Variants in VAV2 observed in about 807,000 individuals in gnomAD.
VAV2 encodes the protein guanine nucleotide exchange factor VAV2.
In VAV2, 67 loss-of-function variants were observed where a neutral mutation model predicts 132.5. The ratio of observed to expected loss-of-function variants is 0.51; its 90% CI spans 0.42 to 0.62. The LOEUF (loss-of-function observed/expected upper bound fraction) is 0.62, where lower values mean the gene tolerates loss of function less well. Ranked by LOEUF, VAV2 falls within the 20% of genes least tolerant of loss-of-function variation. The pLI, the probability that VAV2 is intolerant of heterozygous loss-of-function variation, is 0.00. For synonymous variants in VAV2, 492 were observed against 443.5 expected (o/e 1.11, Z -1.37); for missense variants, 938 against 1,153.6 (o/e 0.81, Z 2.71).
chr9:133,979,866 G>A (rs748897171), intron 1 of VAV2, among the ~76,000 whole-genome samples: 16 of 152,320 alleles, frequency 1.1e-4, no homozygotes, highest in African/African-American at 3.1e-4. Context: ...GGAGCCTGCC[G>A]GCGTCACCTG....
chr9:133,779,326 G>T (rs951976051), intron 21 of VAV2, among the ~76,000 whole-genome samples: 1 of 152,218 alleles, frequency 6.6e-6, no homozygotes, highest in Non-Finnish European at 1.5e-5. Flanking sequence ...AGGGAATGTG[G>T]AGGCTGCTCT....
At chr9:133,835,506 C>T (rs992817688) in intron 3 of VAV2, among the ~76,000 whole-genome samples, 2 of 152,182 alleles carry the variant, frequency 1.3e-5, no homozygotes, top group East Asian at 3.9e-4. Context: ...ATCCACTCAT[C>T]TCTAGAGGAG....
At chr9:133,790,822 C>T (rs1030909679) in intron 13 of VAV2, among the ~76,000 whole-genome samples, 4 of 152,118 alleles carry the variant, frequency 2.6e-5, no homozygotes, top group Admixed American at 6.6e-5. Flanking sequence ...CTGCTGGCAC[C>T]GGGTGGGTGT....
rs982174100 is a variant in VAV2 at position 133,802,305 on chromosome 9, AAC to A, written c.836+3774_836+3775del. On this transcript the variant is annotated intron_variant, in intron 9 of 29. Coordinates refer to ENST00000371850, the MANE Select transcript of VAV2 (RefSeq NM_001134398.2). This position sits in a 1 kb window ranked among gnomAD's most constrained non-coding sequence, Gnocchi z 5.8. ...ACACACACACATGCATGTGCACACAAACACACAAGCACGCGTGTACACACACA... is the reference window on the plus strand; with the variant it reads ...ACACACACACATGCATGTGCACACAAACACAAGCACGCGTGTACACACACA... 1.5e-5 allele frequency among the ~76,000 whole-genome samples: 2 copies of A among 133,950 alleles called. No individual in the cohort carries two copies. Among genetic ancestry groups the A allele is most frequent in the Non-Finnish European group, 3.2e-5 (2 of 62,352 alleles). The allele number at this position is 133,950 out of a possible 152,430, so 87.9% of individuals were successfully genotyped here.
At chr9:133,950,351 G>C (rs1841515547) in intron 1 of VAV2, among the ~76,000 whole-genome samples, 1 of 152,148 alleles carries the variant, frequency 6.6e-6, no homozygotes, top group South Asian at 2.1e-4. Flanking sequence ...CCAGTCCACA[G>C]TCAGACACCG....
chr9:133,901,888 G>A lies in VAV2; in HGVS notation c.321+37215C>T, dbSNP rs181115453. Among the ~76,000 whole-genome samples, 316 of 152,310 alleles carry A rather than the reference G, an allele frequency of 2.1e-3. 1 individual carries two copies. Among genetic ancestry groups the A allele is most frequent in the African/African-American group, 7.2e-3 (299 of 41,574 alleles). On this transcript the variant is annotated intron_variant, in intron 2 of 29. Coordinates refer to ENST00000371850, the MANE Select transcript of VAV2 (RefSeq NM_001134398.2). ...GCCACCACCATCGGAGGGGGCTGGG[G>A]GTGGGGAGGACAGCTGCGCTCCAGA...
At chr9:133,783,352 G>C in intron 19 of VAV2, 151 bp downstream of exon 19, 1 of 703,078 alleles carries the variant, frequency 1.4e-6, no homozygotes, top group Non-Finnish European at 2.6e-6. Context: ...GCAGGCGTCT[G>C]GTGTCTGCTC....
chr9:133,915,074 A>G (rs2810506), intron 2 of VAV2, among the ~76,000 whole-genome samples: 136,584 of 152,136 alleles, frequency 0.9, 62,340 homozygotes, highest in East Asian at 0.98. Context: ...GCTTTGAAAC[A>G]GGCCGCTTGG....
In VAV2 at chr9:133,774,935, T is replaced by C. The variant is rs1294299323; in HGVS notation, c.2135A>G (p.Lys712Arg). The part of the protein sequence containing the change: ...AEAERFAISI[K>R]FNDEVKHIKV... ...CCTCGAGCCCAGAGCCGCCACTTAC[T>C]TGATGCTTATTGCAAAGCGCTCAGC... The change falls in exon 25 of 30, where the codon AAG becomes AGG. Residue 712 changes from lysine (K) to arginine (R), a missense_variant and splice_region_variant. Lys to Arg is a conservative substitution (Grantham distance 26). Transcript: ENST00000371850. The C allele has an allele frequency of 6.2e-7, 1 of 1,611,384 alleles. No homozygotes were observed. The highest frequency in any genetic ancestry group is 1.1e-5 in the South Asian group (1 of 90,958).
chr9:133,962,303 G>A (rs2132226636), intron 1 of VAV2, among the ~76,000 whole-genome samples: 1 of 152,258 alleles, frequency 6.6e-6, no homozygotes, highest in South Asian at 2.1e-4. Context: ...GGAGGGCCTG[G>A]ACTTGAGCTC....
intron 2 of VAV2, among the ~76,000 whole-genome samples, chr9:133,894,729 G>A (rs548794969): frequency 4.9e-4 from 75 of 152,268 alleles, no homozygotes; most frequent in African/African-American, 1.5e-3. Flanking sequence ...AGAACACAGG[G>A]CACCCCAAGA....
chr9:133,970,568 C>T (rs1434405334), intron 1 of VAV2, among the ~76,000 whole-genome samples: 1 of 152,200 alleles, frequency 6.6e-6, no homozygotes, highest in Non-Finnish European at 1.5e-5. Flanking sequence ...CTTTGACAGA[C>T]ACATGTGGGG....
rs1481584761 is a variant in VAV2, at chr9:133,765,302, C to T, written c.2590-1193G>A. Among the ~76,000 whole-genome samples, 3 of 152,210 alleles carry T rather than the reference C, an allele frequency of 2.0e-5. No homozygotes were observed. In the East Asian group the frequency reaches 5.8e-4, roughly 29 times the overall value. On this transcript the variant is annotated intron_variant, in intron 29 of 29. Transcript: ENST00000371850. Reference sequence around the variant, plus strand: ...TGCTAATTACAGTCAACAGTAACTTCACAGTAGAACATAGCAAATATAATC... The same window carrying T: ...TGCTAATTACAGTCAACAGTAACTTTACAGTAGAACATAGCAAATATAATC...
intron 2 of VAV2, among the ~76,000 whole-genome samples, chr9:133,889,421 G>A (rs991863462): frequency 2.0e-5 from 3 of 152,126 alleles, no homozygotes; most frequent in Non-Finnish European, 1.5e-5. Flanking sequence ...GGGGGAAGGC[G>A]GCCACTGGCA....
chr9:133,862,572 ATGTGCATGTGTGTACGTG>A (rs1837640520), intron 2 of VAV2, among the ~76,000 whole-genome samples: 1 of 152,208 alleles, frequency 6.6e-6, no homozygotes, highest in Non-Finnish European at 1.5e-5. Context: ...GCGCAGCTGT[ATGTGCATGTGTGTACGTG>A]TGTGTCTGGG....
intron 2 of VAV2, among the ~76,000 whole-genome samples, chr9:133,924,684 A>G (rs1401229225): frequency 6.6e-6 from 1 of 152,196 alleles, no homozygotes; most frequent in Non-Finnish European, 1.5e-5. Flanking sequence ...TCAGGGTCCA[A>G]GGGGCAATGT....
chr9:133,773,502 C>T (rs899088990), intron 25 of VAV2, among the ~76,000 whole-genome samples: 10 of 152,278 alleles, frequency 6.6e-5, no homozygotes, highest in South Asian at 2.1e-4. Flanking sequence ...TTTCTTCAAT[C>T]GTAAATTAAC....
intron 9 of VAV2, among the ~76,000 whole-genome samples, chr9:133,803,658 G>A (rs546036824): frequency 2.0e-5 from 3 of 152,276 alleles, no homozygotes; most frequent in East Asian, 1.9e-4. Context: ...TCAAAAAGAG[G>A]GAGGTGACTG....
Position 133,763,918 on chromosome 9 carries a change from C to T in VAV2, c.*144G>A. 2 of 998,638 alleles carry T rather than the reference C, an allele frequency of 2.0e-6. No homozygotes were observed. Among genetic ancestry groups the T allele is most frequent in the Middle Eastern group, 6.1e-4 (2 of 3,278 alleles). The allele number at this position is 998,638 out of a possible 1,614,324, so 61.9% of individuals were successfully genotyped here. On this transcript the variant is annotated 3_prime_UTR_variant, in exon 30 of 30. Coordinates refer to ENST00000371850, the MANE Select transcript of VAV2 (RefSeq NM_001134398.2). This position sits in a 1 kb window ranked among gnomAD's most constrained non-coding sequence, Gnocchi z 6.8. ...AGTGAAACGGTTCGAGTTTAGGATT[C>T]TCAACACCCTCCCTATCCCTGTGGG... is the stretch of plus-strand genomic sequence containing the variant.
Sources: allele counts gnomAD v4.1 joint callset (sites outside exome capture counted in the v4.1 genomes callset), GRCh38; gene constraint gnomAD v4.1.1; non-coding constraint Gnocchi (gnomAD v3.1); transcripts MANE v1.5; gene names NCBI Gene and HGNC (gene_info 2026-07-23, HGNC 2026-07-21).